The following RECK variants were observed in gnomAD, a reference collection of about 807,000 sequenced individuals.
RECK encodes reversion-inducing cysteine-rich protein with Kazal motifs.
RECK carries 69 observed loss-of-function variants against 115.1 expected under a neutral mutation model. The observed-to-expected ratio is 0.60, with a 90% confidence interval of 0.49 to 0.73. The LOEUF is 0.73. RECK is among the 30% of genes least tolerant of loss of function. The probability of loss-of-function intolerance (pLI) is 0.00; values close to 1 mark genes in which losing one functional copy is unlikely to be tolerated. For synonymous variants in RECK, 414 were observed against 419.7 expected (o/e 0.99, Z 0.17); for missense variants, 1,047 against 1,203.7 (o/e 0.87, Z 1.93).
Position 36,083,502 on chromosome 9 carries a change from C to A in RECK, c.577C>A (p.Gln193Lys), listed in dbSNP as rs769726835. 1.9e-6 allele frequency: 3 copies of A among 1,613,888 alleles called. No individual in the cohort carries two copies. The highest frequency in any genetic ancestry group is 2.2e-5 in the East Asian group (1 of 44,884). ...AAATTATTGCGCCTCTATTAGTCCA[C>A]AATTAATACATTGTGTGAACAATTA... The part of the protein sequence containing the change: ...VENYCASISP[Q>K]LIHCVNNYTQ... Residue 193 changes from glutamine to lysine, a missense_variant, in exon 8 of 21, where the codon CAA (glutamine) becomes AAA (lysine). By Grantham distance (53) the Gln-to-Lys change is moderately conservative (BLOSUM62 1). Transcript: ENST00000377966.
rs1290472489 is a variant in RECK, at chr9:36,101,795, A to G, written c.1299-299A>G. ...GTGAGGATATATGATTTTTGCAGAGAGTAAATCAGACTAGCTTCATTTAAT... is the reference window on the plus strand; with the variant it reads ...GTGAGGATATATGATTTTTGCAGAGGGTAAATCAGACTAGCTTCATTTAAT... On this transcript the variant is annotated intron_variant, in intron 11 of 20. Coordinates refer to ENST00000377966, the MANE Select transcript of RECK (RefSeq NM_021111.3). 2.6e-5 allele frequency among the ~76,000 whole-genome samples: 4 copies of G among 152,250 alleles called. No homozygotes were observed. In the South Asian group the frequency reaches 8.3e-4, roughly 31 times the overall value.
Position 36,091,208 on chromosome 9 carries a change from A to C in RECK, c.950A>C (p.Gln317Pro), listed in dbSNP as rs1290659499. The C allele has an allele frequency of 6.2e-7, 1 of 1,614,024 alleles. No individual in the cohort carries two copies. Among genetic ancestry groups the C allele is most frequent in the Non-Finnish European group, 8.5e-7 (1 of 1,179,978 alleles). The change falls in exon 10 of 21, where the codon CAG becomes CCG. Residue 317 changes from glutamine to proline, a missense_variant. By Grantham distance (76) the Gln-to-Pro change is moderately conservative. Transcript: ENST00000377966. ...TACAGCATGAGCTGGGGCAATACAC[A>C]GAGTTGGCAAGAGTTTGATCGCTTT... ...KLYSMSWGNTQSWQEFDRFCE... is the reference protein window; with the variant it reads ...KLYSMSWGNTPSWQEFDRFCE...
chr9:36,105,087 A>T, intron 12 of RECK, 56 bp from the exon 13 acceptor site: 1 of 1,438,520 alleles, frequency 7.0e-7, no homozygotes, highest in African/African-American at 1.4e-5. Context: ...CAGATAATTT[A>T]CAGTTTTCTC....
intron 9 of RECK, among the ~76,000 whole-genome samples, chr9:36,090,858 TA>T (rs146940599): frequency 0.035 from 5,336 of 152,142 alleles, 263 homozygotes; most frequent in South Asian, 0.18. Context: ...CAGAAAGATA[TA>T]GGGGGAAATA....
At chr9:36,059,888 G>C (rs1359140188) in intron 3 of RECK, among the ~76,000 whole-genome samples, 1 of 152,198 alleles carries the variant, frequency 6.6e-6, no homozygotes, top group African/African-American at 2.4e-5. Context: ...TAAGTATCCT[G>C]AGTAACTAGA....
chr9:36,046,026 A>G (rs1346518136), intron 1 of RECK, among the ~76,000 whole-genome samples: 1 of 152,200 alleles, frequency 6.6e-6, no homozygotes, highest in South Asian at 2.1e-4. Context: ...ACTCATACTG[A>G]TGTCTTTAAT....
rs963166700 is a variant in RECK, at chr9:36,096,247, T to A, written c.1086-4084T>A. Among the ~76,000 whole-genome samples, 5 of 142,054 alleles carry A rather than the reference T, an allele frequency of 3.5e-5. No homozygotes were observed. The South Asian group carries it at 6.7e-4, about 19-fold the overall frequency. The allele number at this position is 142,054 out of a possible 152,430, so 93.2% of individuals were successfully genotyped here. A position where few individuals can be genotyped will look rare whatever the true frequency, so the allele number is the denominator to read the frequency against. ...GTGAGACCCTATCTCAAAAAAAAAA[T>A]TTTAAAAGGCTGGGCATGGTGGCTC... is the stretch of plus-strand genomic sequence containing the variant. On this transcript the variant is annotated intron_variant, in intron 10 of 20. Coordinates refer to ENST00000377966, the MANE Select transcript of RECK (RefSeq NM_021111.3).
intron 1 of RECK, among the ~76,000 whole-genome samples, chr9:36,048,191 A>G (rs1298009504): frequency 1.4e-5 from 2 of 146,116 alleles, no homozygotes; most frequent in Non-Finnish European, 3.0e-5. Flanking sequence ...CCATTGTACC[A>G]GATCTACCTG....
chr9:36,117,000 A>G lies in RECK; in HGVS notation c.2076A>G (p.Pro692=), dbSNP rs1449443356. ...TCTTTTTCAGGTGCATACCCAAACC[A>G]CAGGTCTGCCTGACGACTTTTGATA... is the stretch of plus-strand genomic sequence containing the variant. ...CQKNQRCIPK[P]QVCLTTFDKF... The change falls in exon 17 of 21, where the codon CCA becomes CCG. Residue 692 remains proline, a synonymous_variant. Transcript: ENST00000377966. The G allele has an allele frequency of 1.2e-6, 2 of 1,611,476 alleles. No individual in the cohort carries two copies. The highest frequency in any genetic ancestry group is 1.3e-5 in the African/African-American group (1 of 74,822).
At chr9:36,107,899 A>G (rs1823884696) in intron 13 of RECK, 77 bp from the exon 14 acceptor site, 1 of 1,008,768 alleles carries the variant, frequency 9.9e-7, no homozygotes, top group African/African-American at 1.6e-5. Context: ...TAAGACTTTT[A>G]TCAAGTGTAT....
intron 1 of RECK, among the ~76,000 whole-genome samples, chr9:36,042,571 A>C (rs1342104772): frequency 6.6e-6 from 1 of 150,970 alleles, no homozygotes; most frequent in East Asian, 1.9e-4. Flanking sequence ...TTCTTTATCC[A>C]CTTGTTGATT....
chr9:36,057,345 C>T (rs1036001299), intron 2 of RECK, among the ~76,000 whole-genome samples: 3 of 152,102 alleles, frequency 2.0e-5, no homozygotes, highest in East Asian at 3.8e-4. Context: ...TTCCTTCTCT[C>T]GCTCTCTAAC....
rs1323447550 is a variant in RECK, at chr9:36,083,555, A to G, written c.630A>G (p.Pro210=). Residue 210 remains proline, a synonymous_variant, in exon 8 of 21, where the codon CCA becomes CCG. Coordinates refer to ENST00000377966, the MANE Select transcript of RECK (RefSeq NM_021111.3). Reference sequence around the variant, plus strand: ...CTCAATCTTATCCAATGAGGAACCCAACGGATAGTAAGTAAAAGGGACATA... The same window carrying G: ...CTCAATCTTATCCAATGAGGAACCCGACGGATAGTAAGTAAAAGGGACATA... ...NYTQSYPMRN[P]TDSLYCCDRA... 6.2e-7 allele frequency: 1 copy of G among 1,612,700 alleles called. No homozygotes were observed. The highest frequency in any genetic ancestry group is 2.2e-5 in the East Asian group (1 of 44,870).
intron 6 of RECK, among the ~76,000 whole-genome samples, chr9:36,078,303 A>G (rs907120986): frequency 1.2e-4 from 18 of 152,234 alleles, no homozygotes; most frequent in African/African-American, 3.1e-4. Flanking sequence ...TATCTCCTTT[A>G]GTAGTACCTC....
intron 1 of RECK, among the ~76,000 whole-genome samples, chr9:36,051,872 C>T (rs143955862): frequency 4.0e-4 from 61 of 152,292 alleles, no homozygotes; most frequent in African/African-American, 1.4e-3. Context: ...ATGCTCAAAA[C>T]AAAATTCACT....
intron 10 of RECK, among the ~76,000 whole-genome samples, chr9:36,097,557 G>T (rs1030074041): frequency 6.6e-6 from 1 of 152,156 alleles, no homozygotes; most frequent in African/African-American, 2.4e-5. Context: ...GGAGAAAAGG[G>T]AAGTCTTGTA....
intron 6 of RECK, among the ~76,000 whole-genome samples, chr9:36,072,083 G>A (rs1225129321): frequency 6.6e-6 from 1 of 151,962 alleles, no homozygotes; most frequent in Non-Finnish European, 1.5e-5. Flanking sequence ...ACCACAAATG[G>A]TAGTTTACTA....
chr9:36,054,974 C>T, intron 2 of RECK, among the ~76,000 whole-genome samples: 1 of 152,078 alleles, frequency 6.6e-6, no homozygotes, highest in Non-Finnish European at 1.5e-5. Flanking sequence ...AAGGTTTTTA[C>T]TTGTTTAAAG....
At position 36,124,307 on chromosome 9, in the gene RECK, T is replaced by C. The variant is rs1462390446; in HGVS notation, c.*1262T>C. ...GGGATATGCGTATTATACCAAAATG[T>C]TGCTGAAAAATGGGCACTTAAAGCT... is the stretch of plus-strand genomic sequence containing the variant. On this transcript the variant is annotated 3_prime_UTR_variant, in exon 21 of 21. Transcript: ENST00000377966. 6.6e-6 allele frequency: 1 copy of C among 152,668 alleles called. No individual in the cohort carries two copies. The highest frequency in any genetic ancestry group is 1.9e-4 in the East Asian group (1 of 5,208). 9.5% of individuals were successfully genotyped at this position (152,668 alleles called of 1,614,324 possible).
Sources: gnomAD v4.1 joint callset for allele counts (sites outside exome capture counted in the v4.1 genomes callset) on GRCh38, gnomAD v4.1.1 for gene constraint, MANE v1.5 for transcripts, NCBI Gene and HGNC (gene_info 2026-07-23, HGNC 2026-07-21) for gene names.